GRIK2: variants seen among roughly 807,000 people sequenced by gnomAD.
GRIK2 encodes the protein glutamate ionotropic receptor kainate type subunit 2.
In GRIK2, 32 loss-of-function variants were observed where a neutral mutation model predicts 100.3. The ratio of observed to expected loss-of-function variants is 0.32; its 90% CI spans 0.24 to 0.43. The LOEUF (loss-of-function observed/expected upper bound fraction) is 0.43, where lower values mean the gene tolerates loss of function less well. GRIK2 is among the 20% of genes least tolerant of loss of function. The pLI is 1.00. For synonymous variants in GRIK2, 417 were observed against 389.4 expected (o/e 1.07, Z -0.83); for missense variants, 843 against 1,114.9 (o/e 0.76, Z 3.47).
intron 14 of GRIK2, among the ~76,000 whole-genome samples, chr6:101,939,030 G>C (rs1790787660): frequency 6.6e-6 from 1 of 151,974 alleles, no homozygotes; most frequent in African/African-American, 2.4e-5. Context: ...CATTATATTA[G>C]TTTGCTTTGT....
chr6:102,043,096 A>ATATT (rs1770681643), intron 15 of GRIK2, among the ~76,000 whole-genome samples: 1 of 151,754 alleles, frequency 6.6e-6, no homozygotes, highest in African/African-American at 2.4e-5. Context: ...AGGTACCTGA[A>ATATT]TATTTTCCTG....
At chr6:101,789,637 T>C (rs748551968) in intron 7 of GRIK2, among the ~76,000 whole-genome samples, 25 of 152,240 alleles carry the variant, frequency 1.6e-4, no homozygotes, top group South Asian at 6.2e-4. Flanking sequence ...AGTCAGGTAA[T>C]GTGATGCCTC....
intron 7 of GRIK2, among the ~76,000 whole-genome samples, chr6:101,730,150 A>T (rs1775158893): frequency 6.6e-6 from 1 of 151,966 alleles, no homozygotes. Flanking sequence ...CAGAATCTAG[A>T]TATGTTGATG....
intron 14 of GRIK2, among the ~76,000 whole-genome samples, chr6:102,015,302 C>T (rs1471533309): frequency 1.3e-5 from 2 of 151,896 alleles, no homozygotes; most frequent in Non-Finnish European, 2.9e-5. Flanking sequence ...GATTTTTCTC[C>T]ATCCCTTTAT....
chr6:101,639,914 G>A (rs555315778), intron 4 of GRIK2, among the ~76,000 whole-genome samples: 15 of 152,180 alleles, frequency 9.9e-5, no homozygotes, highest in African/African-American at 1.4e-4. Context: ...CATTAAATGC[G>A]TACTAATAAT....
intron 15 of GRIK2, among the ~76,000 whole-genome samples, chr6:102,051,620 T>G (rs145084890): frequency 6.6e-6 from 1 of 152,188 alleles, no homozygotes; most frequent in East Asian, 1.9e-4. Context: ...GACAAAAAAG[T>G]GAAAATATAT....
intron 2 of GRIK2, among the ~76,000 whole-genome samples, chr6:101,415,124 A>G (rs1305989994): frequency 3.3e-5 from 5 of 152,084 alleles, no homozygotes; most frequent in African/African-American, 1.2e-4. Flanking sequence ...CACTGTTATC[A>G]TTTTGTTTCT....
At chr6:101,633,664 AT>A in intron 4 of GRIK2, among the ~76,000 whole-genome samples, 1 of 152,306 alleles carries the variant, frequency 6.6e-6, no homozygotes, top group Admixed American at 6.5e-5. Flanking sequence ...TTTAATAAAA[AT>A]AAGATAAAAT....
chr6:102,024,567 G>T (rs905442544), intron 14 of GRIK2, among the ~76,000 whole-genome samples: 43 of 151,134 alleles, frequency 2.8e-4, no homozygotes, highest in African/African-American at 1.0e-3. Flanking sequence ...AAAGAACAGG[G>T]TTTTGTACCT....
At chr6:102,031,125 ACACC>A (rs753453781) in intron 14 of GRIK2, among the ~76,000 whole-genome samples, 3,045 of 66,064 alleles carry the variant, frequency 0.046, 64 homozygotes, top group Middle Eastern at 0.088. Flanking sequence ...ACACACACAC[ACACC>A]CCCTTTGAGT....
At chr6:102,025,872 T>G (rs903767074) in intron 14 of GRIK2, among the ~76,000 whole-genome samples, 1 of 150,804 alleles carries the variant, frequency 6.6e-6, no homozygotes, top group Admixed American at 6.7e-5. Context: ...TAGTGAATTA[T>G]TAAATAGAAT....
At chr6:101,405,915 G>A (rs1014788442) in intron 2 of GRIK2, among the ~76,000 whole-genome samples, 3 of 152,096 alleles carry the variant, frequency 2.0e-5, no homozygotes, top group Admixed American at 1.3e-4. Flanking sequence ...ATACAATTTT[G>A]AAAAAAGCTT....
At chr6:101,718,525 A>G in intron 7 of GRIK2, among the ~76,000 whole-genome samples, 1 of 152,050 alleles carries the variant, frequency 6.6e-6, no homozygotes, top group East Asian at 1.9e-4. Context: ...TCCAAGCTAC[A>G]ATATTCTTTT....
intron 7 of GRIK2, among the ~76,000 whole-genome samples, chr6:101,689,041 T>C (rs1771907498): frequency 6.6e-6 from 1 of 152,042 alleles, no homozygotes; most frequent in South Asian, 2.1e-4. Context: ...ATGTCTTACA[T>C]AAGTATTCTT....
intron 2 of GRIK2, among the ~76,000 whole-genome samples, chr6:101,532,872 G>A (rs1454006704): frequency 6.6e-6 from 1 of 151,596 alleles, no homozygotes; most frequent in Non-Finnish European, 1.5e-5. Flanking sequence ...AAACAGAAAG[G>A]ACTTTGTCTT....
At chr6:101,632,198 T>C (rs1232032150) in intron 4 of GRIK2, among the ~76,000 whole-genome samples, 2 of 151,934 alleles carry the variant, frequency 1.3e-5, no homozygotes, top group East Asian at 3.9e-4. Context: ...CTGGAATAGG[T>C]CTCTCCAAAC....
At chr6:101,594,009 A>T (rs929223182) in intron 2 of GRIK2, among the ~76,000 whole-genome samples, 1 of 151,934 alleles carries the variant, frequency 6.6e-6, no homozygotes, top group Non-Finnish European at 1.5e-5. Context: ...CAAAAAATGT[A>T]TTATGAAATG....
intron 12 of GRIK2, among the ~76,000 whole-genome samples, chr6:101,908,294 A>C (rs1349722004): frequency 1.2e-3 from 7 of 5,944 alleles, no homozygotes; most frequent in African/African-American, 6.5e-3. Flanking sequence ...CCAAAAGTAC[A>C]TTAAAATTAA....
intron 7 of GRIK2, among the ~76,000 whole-genome samples, chr6:101,729,451 T>C (rs1371647291): frequency 6.6e-6 from 1 of 151,880 alleles, no homozygotes; most frequent in East Asian, 1.9e-4. Flanking sequence ...TTCCATGGAG[T>C]ATGTATAGAA....
Sources: allele counts gnomAD v4.1 joint callset (sites outside exome capture counted in the v4.1 genomes callset), GRCh38; gene constraint gnomAD v4.1.1; transcripts MANE v1.5; gene names NCBI Gene and HGNC (gene_info 2026-07-23, HGNC 2026-07-21).